Variants in VPS37A observed in about 807,000 individuals in gnomAD.
The protein encoded by VPS37A is vacuolar protein sorting-associated protein 37A.
VPS37A carries 30 observed loss-of-function variants against 49.8 expected under a neutral mutation model. That is an observed-to-expected ratio of 0.60 (90% confidence interval 0.45 to 0.82). The LOEUF (loss-of-function observed/expected upper bound fraction) is 0.82, where lower values mean the gene tolerates loss of function less well. VPS37A is among the 40% of genes least tolerant of loss of function. VPS37A has a pLI of 0.00. For synonymous variants in VPS37A, 195 were observed against 160.6 expected, an observed-to-expected ratio of 1.21 and a Z score of -1.62; for missense variants, 593 against 464.4, an observed-to-expected ratio of 1.28 and a Z score of -2.55.
chr8:17,247,456 C>T, intron 1 of VPS37A, 87 bp downstream of exon 1: 19 of 1,487,996 alleles, frequency 1.3e-5, no homozygotes, highest in Non-Finnish European at 1.6e-5. Flanking sequence ...CCTCAGTCTG[C>T]TCCCCACCAG....
downstream of VPS37A, chr8:17,299,847 C>T (rs764665684): frequency 1.2e-6 from 2 of 1,612,992 alleles, no homozygotes; most frequent in South Asian, 1.1e-5. Context: ...TACTTTGGAA[C>T]TCCAAAGGGA....
rs2150446464 is a variant in VPS37A, at chr8:17,297,842, T to TTAAC, written c.*2858_*2861dup. Reference sequence around the variant, plus strand: ...CTTTTATATAAATCTCAGTGCTAGGTTAACTTCTAATAAGCAGACGAACAT... The same window carrying TTAAC: ...CTTTTATATAAATCTCAGTGCTAGGTTAACTAACTTCTAATAAGCAGACGAACAT... On this transcript the variant is annotated 3_prime_UTR_variant, in exon 12 of 12. Coordinates refer to ENST00000324849, the MANE Select transcript of VPS37A (RefSeq NM_152415.3). 6.9e-6 allele frequency: 1 copy of TTAAC among 144,716 alleles called. No homozygotes were observed. The highest frequency in any genetic ancestry group is 2.1e-4 in the South Asian group (1 of 4,744). The allele number at this position is 144,716 out of a possible 1,614,324, so 9.0% of individuals were successfully genotyped here.
chr8:17,298,996 G>C (rs1294059718), downstream of VPS37A: 2 of 152,156 alleles, frequency 1.3e-5, no homozygotes, highest in African/African-American at 4.8e-5. Context: ...TTCACTCACA[G>C]ATGTTTTATC....
intron 4 of VPS37A, among the ~76,000 whole-genome samples, chr8:17,272,479 C>A (rs975745133): frequency 6.6e-6 from 1 of 152,150 alleles, no homozygotes; most frequent in Admixed American, 6.5e-5. Context: ...TACAAACCGA[C>A]AAGTTTACTT....
At chr8:17,265,473 G>C (rs11203837) in intron 1 of VPS37A, among the ~76,000 whole-genome samples, 1 of 151,816 alleles carries the variant, frequency 6.6e-6, no homozygotes, top group South Asian at 2.1e-4. Flanking sequence ...TGTAGGATGC[G>C]TCTCATCTAG....
chr8:17,279,857 T>G (rs1383110210), intron 6 of VPS37A, 171 bp from the exon 7 acceptor site: 1 of 767,950 alleles, frequency 1.3e-6, no homozygotes, highest in East Asian at 2.9e-5. Flanking sequence ...TATGTTCCAT[T>G]GTGGTTGATG....
At chr8:17,273,880 C>T (rs1030734719) in intron 4 of VPS37A, among the ~76,000 whole-genome samples, 4 of 152,082 alleles carry the variant, frequency 2.6e-5, no homozygotes, top group African/African-American at 9.7e-5. Flanking sequence ...AAACATTTTT[C>T]AATGTAAAGG....
chr8:17,311,411 A>G, the VPS37A span: 5 of 1,503,136 alleles, frequency 3.3e-6, no homozygotes, highest in Non-Finnish European at 4.5e-6. Flanking sequence ...AAAGAAAAAT[A>G]ATGCTGGCAA....
chr8:17,274,880 A>C lies in VPS37A; in HGVS notation c.564A>C (p.Thr188=). Residue 188 remains threonine, a synonymous_variant, in exon 5 of 12, where the codon ACA becomes ACC. Coordinates refer to ENST00000324849, the MANE Select transcript of VPS37A (RefSeq NM_152415.3). ...TVSSSTTSHT[T]AKPAAPSFGV... is the part of the protein sequence containing the mutation. Reference sequence around the variant, plus strand: ...CTTCTTCAACAACAAGTCATACCACAGCCAAGCCTGCCGCTCCTTCATTTG... The same window carrying C: ...CTTCTTCAACAACAAGTCATACCACCGCCAAGCCTGCCGCTCCTTCATTTG... 6.2e-7 allele frequency: 1 copy of C among 1,614,154 alleles called. No individual in the cohort carries two copies. Among genetic ancestry groups the C allele is most frequent in the South Asian group, 1.1e-5 (1 of 91,088 alleles).
chr8:17,323,147 C>T, the VPS37A span, among the ~76,000 whole-genome samples: 1 of 151,740 alleles, frequency 6.6e-6, no homozygotes, highest in East Asian at 2.0e-4. Context: ...GGGGTTTCAC[C>T]ATGTCGGACA....
the VPS37A span, among the ~76,000 whole-genome samples, chr8:17,332,467 G>A: frequency 1.3e-4 from 20 of 152,130 alleles, no homozygotes; most frequent in Non-Finnish European, 1.9e-4. Context: ...CCTGACCTGC[G>A]AGCAGTGACC....
At chr8:17,258,924 C>T (rs1033813726) in intron 1 of VPS37A, among the ~76,000 whole-genome samples, 2 of 151,902 alleles carry the variant, frequency 1.3e-5, no homozygotes, top group South Asian at 4.1e-4. Context: ...CCTAATGATT[C>T]TTTATAGTTC....
rs1196980367 is a variant in VPS37A at position 17,280,313 on chromosome 8, T to C, written c.900+16T>C. ...TTTAGATAAGGTGAGTTAGTGATAA[T>C]TTTGAAGAAATTTACATAATTTAAA... On this transcript the variant is annotated intron_variant, in intron 8 of 11. Transcript: ENST00000324849. 1 of 1,608,692 alleles carries C rather than the reference T, an allele frequency of 6.2e-7. No individual in the cohort carries two copies. Among genetic ancestry groups the C allele is most frequent in the Admixed American group, 1.7e-5 (1 of 59,274 alleles).
intron 1 of VPS37A, among the ~76,000 whole-genome samples, chr8:17,262,918 G>A (rs771709868): frequency 2.0e-5 from 3 of 151,892 alleles, no homozygotes; most frequent in Admixed American, 6.6e-5. Flanking sequence ...AAAATTAGCT[G>A]GGTGTGGTGG....
chr8:17,299,875 A>G (rs1816990619), downstream of VPS37A: 2 of 1,614,088 alleles, frequency 1.2e-6, no homozygotes, highest in South Asian at 1.1e-5. Context: ...GGCAGTGAGA[A>G]ACACGGCTTC....
the VPS37A span, among the ~76,000 whole-genome samples, chr8:17,329,174 G>A: frequency 1.3e-5 from 2 of 151,844 alleles, no homozygotes; most frequent in East Asian, 3.9e-4. Flanking sequence ...CCAGTAGTAT[G>A]AGCCTTCATA....
the VPS37A span, among the ~76,000 whole-genome samples, chr8:17,310,611 T>C: frequency 6.6e-6 from 1 of 152,072 alleles, no homozygotes; most frequent in African/African-American, 2.4e-5. Context: ...GAAGCAAGGG[T>C]ATCACTTTGA....
Position 17,297,960 on chromosome 8 carries a change from A to T in VPS37A, c.*2974A>T, listed in dbSNP as rs1816832547. 3 of 152,232 alleles carry T rather than the reference A, an allele frequency of 2.0e-5. No homozygotes were observed. The South Asian group carries it at 6.2e-4, about 32-fold the overall frequency. 9.4% of individuals were successfully genotyped at this position (152,232 alleles called of 1,614,324 possible). ...GGAAGTTGTCATATTAAAAAACTAC[A>T]TTTTAAAACATCAAATATTTATACT... On this transcript the variant is annotated 3_prime_UTR_variant, in exon 12 of 12. Transcript: ENST00000324849.
intron 9 of VPS37A, among the ~76,000 whole-genome samples, chr8:17,282,408 T>G (rs1006751267): frequency 1.3e-5 from 2 of 152,104 alleles, no homozygotes; most frequent in African/African-American, 4.8e-5. Context: ...GCTTCTAGGA[T>G]TTTTTCTTTA....
Sources: allele counts gnomAD v4.1 joint callset (sites outside exome capture counted in the v4.1 genomes callset), GRCh38; gene constraint gnomAD v4.1.1; transcripts MANE v1.5; gene names NCBI Gene and HGNC (gene_info 2026-07-23, HGNC 2026-07-21).